Variants in GPC5 observed in about 807,000 individuals in gnomAD.
GPC5 encodes glypican 5.
In GPC5, 47 loss-of-function variants were observed where a neutral mutation model predicts 53.9. That is an observed-to-expected ratio of 0.87 (90% confidence interval 0.69 to 1.11). The LOEUF (loss-of-function observed/expected upper bound fraction) is 1.11, where lower values mean the gene tolerates loss of function less well. GPC5 is among the 50% of genes most tolerant of loss of function. The probability of loss-of-function intolerance (pLI) is 0.00; values close to 1 mark genes in which losing one functional copy is unlikely to be tolerated. For missense variants in GPC5, 748 were observed against 713.1 expected (o/e 1.05, Z -0.56); for synonymous variants, 286 against 263.3 (o/e 1.09, Z -0.84).
At chr13:92,373,471 C>T (rs981275012) in intron 7 of GPC5, among the ~76,000 whole-genome samples, 14 of 152,180 alleles carry the variant, frequency 9.2e-5, no homozygotes, top group Non-Finnish European at 1.9e-4. Context: ...CTTATCTTTG[C>T]CATCCTGCAA....
chr13:92,164,778 T>C (rs9583997), intron 7 of GPC5, among the ~76,000 whole-genome samples: 106 of 152,318 alleles, frequency 7.0e-4, no homozygotes, highest in African/African-American at 2.5e-3. Context: ...GCAGAGGCTC[T>C]CCATGAGGGC....
At chr13:91,535,776 G>C (rs769470099) in intron 2 of GPC5, among the ~76,000 whole-genome samples, 1 of 152,126 alleles carries the variant, frequency 6.6e-6, no homozygotes, top group African/African-American at 2.4e-5. Context: ...CAGAGGCCTA[G>C]TACTTAACTA....
intron 7 of GPC5, among the ~76,000 whole-genome samples, chr13:92,781,942 A>G (rs961788928): frequency 3.3e-5 from 5 of 152,162 alleles, no homozygotes; most frequent in African/African-American, 1.2e-4. Flanking sequence ...TGTGCACAAA[A>G]GTTAATTTCC....
intron 2 of GPC5, among the ~76,000 whole-genome samples, chr13:91,595,061 G>GT (rs557879286): frequency 1.3e-3 from 194 of 151,490 alleles, no homozygotes; most frequent in African/African-American, 4.5e-3. Flanking sequence ...GACTCACTCT[G>GT]TTGCCAGGCT....
At chr13:91,678,415 A>G (rs1035568412) in intron 2 of GPC5, among the ~76,000 whole-genome samples, 2 of 152,204 alleles carry the variant, frequency 1.3e-5, no homozygotes, top group African/African-American at 4.8e-5. Flanking sequence ...TGCCTAATGA[A>G]ACTCCTTAGC....
At chr13:92,681,056 T>C (rs1052891950) in intron 7 of GPC5, among the ~76,000 whole-genome samples, 24 of 151,888 alleles carry the variant, frequency 1.6e-4, no homozygotes, top group Non-Finnish European at 3.5e-4. Context: ...CTGTTGCTGA[T>C]CCAGTTAAGA....
At chr13:92,196,489 C>A (rs2042257425) in intron 7 of GPC5, among the ~76,000 whole-genome samples, 1 of 151,840 alleles carries the variant, frequency 6.6e-6, no homozygotes, top group Non-Finnish European at 1.5e-5. Context: ...TTTAATCAGC[C>A]CTAAAATATA....
At chr13:91,757,936 A>G (rs9560851) in intron 5 of GPC5, among the ~76,000 whole-genome samples, 18,839 of 152,172 alleles carry the variant, frequency 0.12, 1,326 homozygotes, top group East Asian at 0.33. Context: ...AGCCACTTAT[A>G]TATTTCTGAG....
intron 7 of GPC5, among the ~76,000 whole-genome samples, chr13:92,339,514 A>G (rs1211886428): frequency 1.3e-5 from 2 of 152,106 alleles, no homozygotes; most frequent in Non-Finnish European, 2.9e-5. Context: ...CACTTCTGCT[A>G]TGTTTATTCC....
chr13:91,618,470 C>A (rs2033759532), intron 2 of GPC5, among the ~76,000 whole-genome samples: 1 of 151,934 alleles, frequency 6.6e-6, no homozygotes, highest in South Asian at 2.1e-4. Context: ...TTGGGATAGT[C>A]CTCTCAGGCA....
intron 2 of GPC5, among the ~76,000 whole-genome samples, chr13:91,504,654 C>A (rs1457432361): frequency 1.3e-5 from 2 of 151,908 alleles, no homozygotes; most frequent in East Asian, 3.9e-4. Context: ...ATGAAAACAC[C>A]GTGTGGTGTG....
chr13:92,081,591 A>G (rs2041296199), intron 6 of GPC5, among the ~76,000 whole-genome samples: 2 of 152,204 alleles, frequency 1.3e-5, no homozygotes, highest in Admixed American at 6.5e-5. Context: ...GTCTGTTCAA[A>G]TAATTTCTTC....
intron 2 of GPC5, among the ~76,000 whole-genome samples, chr13:91,484,386 T>C (rs1486720687): frequency 6.6e-6 from 1 of 152,224 alleles, no homozygotes; most frequent in Non-Finnish European, 1.5e-5. Context: ...GTTTTATATA[T>C]ACCAAGAAGT....
At chr13:91,971,694 T>C (rs1348471200) in intron 6 of GPC5, among the ~76,000 whole-genome samples, 1 of 152,196 alleles carries the variant, frequency 6.6e-6, no homozygotes, top group Non-Finnish European at 1.5e-5. Context: ...TCAAAGAACA[T>C]CTTTATTTCT....
intron 6 of GPC5, among the ~76,000 whole-genome samples, chr13:91,917,643 C>A (rs928839174): frequency 6.6e-6 from 1 of 152,230 alleles, no homozygotes. Context: ...GCCCAATACC[C>A]TAAATCATCT....
At chr13:92,371,723 C>G (rs1250536997) in intron 7 of GPC5, among the ~76,000 whole-genome samples, 1 of 152,164 alleles carries the variant, frequency 6.6e-6, no homozygotes, top group Non-Finnish European at 1.5e-5. Flanking sequence ...CACTCACTAT[C>G]ACGAGAATAG....
At position 92,130,373 on chromosome 13, in the gene GPC5, G is replaced by GAAGTTCTAAAA. The variant is rs2041733326; in HGVS notation, c.1402-14455_1402-14445dup. Among the ~76,000 whole-genome samples, 3 of 148,086 alleles carry GAAGTTCTAAAA rather than the reference G, an allele frequency of 2.0e-5. No homozygotes were observed. The South Asian group carries it at 6.3e-4, about 31-fold the overall frequency. On this transcript the variant is annotated intron_variant, in intron 6 of 7. Transcript: ENST00000377067. ...AAAAAGTCTTAAAATATTGGCACAA[G>GAAGTTCTAAAA]AAGTTCTAAAAATCTGAGTAAGTTC... is the stretch of plus-strand genomic sequence containing the variant.
chr13:92,157,685 C>A (rs9560942), intron 7 of GPC5, among the ~76,000 whole-genome samples: 8,331 of 152,176 alleles, frequency 0.055, 482 homozygotes, highest in African/African-American at 0.14. Flanking sequence ...AAAGGAAATG[C>A]AAAAACTGAT....
chr13:92,563,834 A>G (rs1045030681), intron 7 of GPC5, among the ~76,000 whole-genome samples: 1 of 152,040 alleles, frequency 6.6e-6, no homozygotes, highest in Non-Finnish European at 1.5e-5. Context: ...GTGTTATTAC[A>G]GTCTTGCTAC....
Sources: allele counts gnomAD v4.1 joint callset (sites outside exome capture counted in the v4.1 genomes callset), GRCh38; gene constraint gnomAD v4.1.1; transcripts MANE v1.5; gene names NCBI Gene and HGNC (gene_info 2026-07-23, HGNC 2026-07-21).